CLYBL: variants seen among roughly 807,000 people sequenced by gnomAD.
CLYBL encodes the protein citramalyl-CoA lyase, mitochondrial.
CLYBL carries 31 observed loss-of-function variants against 38.9 expected under a neutral mutation model. The observed-to-expected ratio is 0.80, with a 90% CI of 0.60 to 1.08. The LOEUF is 1.08. Ranked by LOEUF, CLYBL falls within the 50% of genes least tolerant of loss-of-function variation. The pLI is 0.00. For synonymous variants in CLYBL, 171 were observed against 158.6 expected (o/e 1.08, Z -0.59); for missense variants, 434 against 411.6 (o/e 1.05, Z -0.47).
chr13:99,847,634 C>A (rs528335050), intron 2 of CLYBL, among the ~76,000 whole-genome samples: 4 of 152,162 alleles, frequency 2.6e-5, no homozygotes, highest in Non-Finnish European at 5.9e-5. Context: ...AGAATTCTTT[C>A]AGTGCTCTGG....
intron 1 of CLYBL, among the ~76,000 whole-genome samples, chr13:99,686,629 T>A (rs2047822166): frequency 6.6e-6 from 1 of 152,230 alleles, no homozygotes; most frequent in Admixed American, 6.5e-5. Context: ...AGTACTAAAG[T>A]ATCATTTATA....
intron 1 of CLYBL, among the ~76,000 whole-genome samples, chr13:99,708,086 C>A (rs188880839): frequency 2.0e-5 from 3 of 152,290 alleles, no homozygotes; most frequent in Admixed American, 2.0e-4. Flanking sequence ...TGGGTTCATT[C>A]TCCTGCCTCA....
intron 1 of CLYBL, among the ~76,000 whole-genome samples, chr13:99,734,945 C>G (rs1382557672): frequency 6.6e-6 from 1 of 151,996 alleles, no homozygotes; most frequent in East Asian, 1.9e-4. Context: ...TGAATTTCAC[C>G]AGTAAAAAAA....
At chr13:99,754,419 A>C (rs1389225361) in intron 1 of CLYBL, among the ~76,000 whole-genome samples, 22 of 138,334 alleles carry the variant, frequency 1.6e-4, no homozygotes, top group Admixed American at 2.9e-4. Context: ...CCTGTCTCAA[A>C]AAAAAAAAAA....
At chr13:99,882,605 G>A (rs535690894) in intron 7 of CLYBL, among the ~76,000 whole-genome samples, 2 of 152,082 alleles carry the variant, frequency 1.3e-5, no homozygotes, top group Non-Finnish European at 1.5e-5. Context: ...TCAAGGCTAC[G>A]ATGAGCTGTG....
At chr13:99,870,853 C>T (rs1566361553) in intron 6 of CLYBL, 85 bp from the exon 7 acceptor site, 1 of 1,442,130 alleles carries the variant, frequency 6.9e-7, no homozygotes, top group Admixed American at 2.2e-5. Context: ...TCTATGAGGC[C>T]TTCAGGAACC....
In CLYBL at chr13:99,618,070, C is replaced by G. The variant is rs539436753; in HGVS notation, c.62+11313C>G. On this transcript the variant is annotated intron_variant, in intron 1 of 8. Transcript: ENST00000339105. ...GTCCGCCTGTATCCTACCCCAGCCC[C>G]CAGATATTCATGAGAGCAGGGACTT... is the stretch of plus-strand genomic sequence containing the variant. 5.3e-5 allele frequency among the ~76,000 whole-genome samples: 8 copies of G among 152,260 alleles called. No individual in the cohort carries two copies. The Middle Eastern group carries it at 0.017, about 324-fold the overall frequency.
chr13:99,728,469 G>C (rs1294417553), intron 1 of CLYBL, among the ~76,000 whole-genome samples: 1 of 151,696 alleles, frequency 6.6e-6, no homozygotes, highest in Admixed American at 6.6e-5. Flanking sequence ...TAGTAGAGAT[G>C]GGGTTTCACT....
At chr13:99,626,974 G>A (rs2046878913) in intron 1 of CLYBL, among the ~76,000 whole-genome samples, 1 of 149,966 alleles carries the variant, frequency 6.7e-6, no homozygotes, top group Non-Finnish European at 1.5e-5. Context: ...ATCTAGTACC[G>A]GCGCTGCTCA....
chr13:99,617,552 C>T (rs915805461), intron 1 of CLYBL, among the ~76,000 whole-genome samples: 4 of 152,280 alleles, frequency 2.6e-5, no homozygotes, highest in East Asian at 1.9e-4. Context: ...GTGCTGTTTT[C>T]GTAGTGAGGC....
chr13:99,860,493 A>G (rs796352995), intron 3 of CLYBL, among the ~76,000 whole-genome samples: 12 of 152,332 alleles, frequency 7.9e-5, no homozygotes, highest in African/African-American at 2.9e-4. Context: ...AGTTAAGAGT[A>G]TGTTAATATC....
In CLYBL at chr13:99,632,356, G is replaced by A. The variant is rs371223584; in HGVS notation, c.62+25599G>A. ...TTGGTATTTGTGTTCAGCCAAGTTA[G>A]CTGTCTGCTAGAACAAAAATTAGTC... On this transcript the variant is annotated intron_variant, in intron 1 of 8. Transcript: ENST00000339105. Among the ~76,000 whole-genome samples the A allele has an allele frequency of 2.6e-4, 39 of 152,358 alleles. 1 individual carries two copies. In the South Asian group the frequency reaches 6.0e-3, roughly 23 times the overall value.
chr13:99,665,860 C>A (rs1416396218), intron 1 of CLYBL, among the ~76,000 whole-genome samples: 1 of 152,198 alleles, frequency 6.6e-6, no homozygotes, highest in Non-Finnish European at 1.5e-5. Flanking sequence ...ACCGTTCAGC[C>A]GTTTGATGGA....
chr13:99,667,433 CTTTTTT>C (rs369360327), intron 1 of CLYBL, among the ~76,000 whole-genome samples: 126 of 127,792 alleles, frequency 9.9e-4, no homozygotes, highest in Non-Finnish European at 1.1e-3. Flanking sequence ...AAGAATCTTG[CTTTTTT>C]TTTTTTTTTT....
At chr13:99,775,820 T>C (rs4772245) in intron 2 of CLYBL, among the ~76,000 whole-genome samples, 29,271 of 152,084 alleles carry the variant, frequency 0.19, 2,927 homozygotes, top group East Asian at 0.25. Context: ...AAATTCTCTT[T>C]TTCATCCATA....
chr13:99,637,628 C>A (rs898146206), intron 1 of CLYBL, among the ~76,000 whole-genome samples: 2 of 152,046 alleles, frequency 1.3e-5, no homozygotes, highest in African/African-American at 4.8e-5. Flanking sequence ...TGCTGTGGCA[C>A]GCACCTGTAA....
intron 1 of CLYBL, among the ~76,000 whole-genome samples, chr13:99,723,108 C>G (rs1038653790): frequency 3.3e-5 from 5 of 152,204 alleles, no homozygotes; most frequent in Non-Finnish European, 5.9e-5. Flanking sequence ...CTTTTTGGCT[C>G]TTGTGCAGGG....
intron 2 of CLYBL, among the ~76,000 whole-genome samples, chr13:99,828,447 G>T (rs1394557610): frequency 7.2e-5 from 11 of 152,268 alleles, no homozygotes; most frequent in African/African-American, 2.6e-4. Context: ...TCATCAAATT[G>T]CATGCATGGG....
intron 1 of CLYBL, among the ~76,000 whole-genome samples, chr13:99,679,658 A>G (rs1259092853): frequency 6.6e-6 from 1 of 152,110 alleles, no homozygotes; most frequent in Non-Finnish European, 1.5e-5. Flanking sequence ...CATCTGTCCA[A>G]ATGTCATGTA....
Sources: allele counts gnomAD v4.1 joint callset (sites outside exome capture counted in the v4.1 genomes callset), GRCh38; gene constraint gnomAD v4.1.1; transcripts MANE v1.5; gene names NCBI Gene and HGNC (gene_info 2026-07-23, HGNC 2026-07-21).